Variants in DHRS3 observed in about 807,000 individuals in gnomAD.
The protein encoded by DHRS3 is dehydrogenase/reductase 3.
A neutral mutation model predicts 27.2 loss-of-function variants in DHRS3; 14 were observed. The observed-to-expected ratio is 0.52, with a 90% CI of 0.34 to 0.81. The LOEUF is 0.81. DHRS3 is among the 30% of genes least tolerant of loss of function. The probability of loss-of-function intolerance (pLI) is 0.01; values close to 1 mark genes in which losing one functional copy is unlikely to be tolerated. For synonymous variants in DHRS3, 165 were observed against 175.9 expected (o/e 0.94, Z 0.49); for missense variants, 322 against 406.2 (o/e 0.79, Z 1.78).
At chr1:12,583,350 TCCAC>T (rs1352078845) in intron 1 of DHRS3, among the ~76,000 whole-genome samples, 3 of 131,972 alleles carry the variant, frequency 2.3e-5, no homozygotes, top group South Asian at 2.7e-4. Context: ...CATCCATCCA[TCCAC>T]CCACCCATCC....
intron 1 of DHRS3, among the ~76,000 whole-genome samples, chr1:12,614,743 C>A (rs1343634054): frequency 6.7e-6 from 1 of 148,956 alleles, no homozygotes; most frequent in African/African-American, 2.5e-5. Context: ...GGTCTTCCCC[C>A]TCCCAGATCC....
chr1:12,616,876 A>C, intron 1 of DHRS3: 4 of 1,033,192 alleles, frequency 3.9e-6, no homozygotes, highest in East Asian at 3.4e-5. Context: ...GAATGTGGGA[A>C]ATGGTGGGTC....
At chr1:12,568,938 T>C (rs1217581992) in intron 5 of DHRS3, among the ~76,000 whole-genome samples, 1 of 151,318 alleles carries the variant, frequency 6.6e-6, no homozygotes, top group Non-Finnish European at 1.5e-5. Flanking sequence ...AAAATTCTTT[T>C]CAGACTGGGC....
At chr1:12,617,021 A>C in intron 1 of DHRS3, 133 bp downstream of exon 1, 2 of 1,120,544 alleles carry the variant, frequency 1.8e-6, no homozygotes, top group Non-Finnish European at 2.5e-6. Flanking sequence ...CTAGCTCAGC[A>C]CTCGTGGGTG....
intron 1 of DHRS3, among the ~76,000 whole-genome samples, chr1:12,587,036 A>G (rs555497284): frequency 1.1e-4 from 17 of 152,164 alleles, no homozygotes; most frequent in Non-Finnish European, 2.4e-4. Flanking sequence ...CCTCTTCTGC[A>G]GGCTTTAAAA....
At chr1:12,596,493 C>G (rs1019592447) in intron 1 of DHRS3, among the ~76,000 whole-genome samples, 13 of 152,098 alleles carry the variant, frequency 8.5e-5, no homozygotes, top group Non-Finnish European at 1.3e-4. Context: ...AAAAGTGTCC[C>G]GTTGGCCGCG....
At chr1:12,579,973 A>AC (rs1217675394) in intron 2 of DHRS3, 13 of 186,812 alleles carry the variant, frequency 7.0e-5, no homozygotes, top group Admixed American at 6.9e-4. Context: ...ACCAGCAGCC[A>AC]CAGGGCCTGG....
At chr1:12,610,417 T>C (rs1646901461) in intron 1 of DHRS3, among the ~76,000 whole-genome samples, 3 of 152,144 alleles carry the variant, frequency 2.0e-5, no homozygotes, top group Admixed American at 1.3e-4. Flanking sequence ...TCTGTCTCTC[T>C]TACTAAAATG....
chr1:12,585,756 C>G (rs1021134610), intron 1 of DHRS3, among the ~76,000 whole-genome samples: 1 of 152,228 alleles, frequency 6.6e-6, no homozygotes, highest in Non-Finnish European at 1.5e-5. Context: ...GTGACCTGCA[C>G]AGCTGACAGG....
Position 12,586,112 on chromosome 1 carries a change from C to T in DHRS3, c.196-5446G>A, listed in dbSNP as rs367685005. Among the ~76,000 whole-genome samples the T allele has an allele frequency of 4.6e-5, 7 of 152,176 alleles. No individual in the cohort carries two copies. Among genetic ancestry groups the T allele is most frequent in the East Asian group, 1.9e-4 (1 of 5,186 alleles). ...GAAGGGGAGAAAGACCTCTGGTCTC[C>T]GGGGCCCCGGGCTGTCCTGCCCTTG... On this transcript the variant is annotated intron_variant, in intron 1 of 5. Transcript: ENST00000616661. The surrounding 1 kb of genome is among the most constrained non-coding windows in gnomAD (Gnocchi z 5.0).
intron 1 of DHRS3, chr1:12,616,493 G>A (rs1646945161): frequency 2.2e-6 from 2 of 912,632 alleles, no homozygotes; most frequent in African/African-American, 1.8e-5. Flanking sequence ...ATCCCTGGGG[G>A]GTGTACTGGG....
intron 1 of DHRS3, among the ~76,000 whole-genome samples, chr1:12,602,186 G>A (rs577590073): frequency 6.6e-6 from 1 of 152,322 alleles, no homozygotes; most frequent in East Asian, 1.9e-4. Flanking sequence ...CTAATGCCTT[G>A]TGCAGGGGAA....
intron 1 of DHRS3, among the ~76,000 whole-genome samples, chr1:12,613,747 G>A (rs184557772): frequency 2.5e-4 from 38 of 152,152 alleles, no homozygotes; most frequent in African/African-American, 8.7e-4. Flanking sequence ...ACTACCTCTC[G>A]GAAGTGGGAA....
intron 1 of DHRS3, among the ~76,000 whole-genome samples, chr1:12,603,675 C>T (rs189727095): frequency 6.8e-4 from 103 of 152,232 alleles, no homozygotes; most frequent in African/African-American, 2.4e-3. Flanking sequence ...GACCGTGTTC[C>T]CTAGGAGGCT....
At chr1:12,573,309 G>T (rs549495527) in intron 4 of DHRS3, among the ~76,000 whole-genome samples, 19 of 152,234 alleles carry the variant, frequency 1.2e-4, no homozygotes, top group Admixed American at 1.0e-3. Flanking sequence ...TCCTCCTTTG[G>T]GAGACATTTC....
In DHRS3 at chr1:12,618,094, A is replaced by G. The variant is rs1557537567; in HGVS notation, c.-746T>C. Among the ~76,000 whole-genome samples the G allele has an allele frequency of 6.6e-6, 1 of 151,988 alleles. No homozygotes were observed. The highest frequency in any genetic ancestry group is 2.4e-5 in the African/African-American group (1 of 41,386). ...TCCCTCCCTCCCTCTCTGTTCCAGC[A>G]GAGGCTGGGAGTTGCCGCTCGATCC... On this transcript the variant is annotated 5_prime_UTR_variant, in exon 1 of 6. Coordinates refer to ENST00000616661, the MANE Select transcript of DHRS3 (RefSeq NM_004753.7). This position sits in a 1 kb window ranked among gnomAD's most constrained non-coding sequence, Gnocchi z 4.2.
intron 5 of DHRS3, among the ~76,000 whole-genome samples, chr1:12,569,261 A>T (rs1382952837): frequency 1.4e-5 from 2 of 142,500 alleles, no homozygotes; most frequent in Non-Finnish European, 3.1e-5. Flanking sequence ...ACACACACAC[A>T]CTCTTTTTAA....
intron 1 of DHRS3, among the ~76,000 whole-genome samples, chr1:12,603,095 C>T (rs1420461682): frequency 6.6e-6 from 1 of 152,216 alleles, no homozygotes; most frequent in African/African-American, 2.4e-5. Flanking sequence ...GAGCTTCTAG[C>T]TTGTGGGCAC....
At chr1:12,600,786 G>A (rs577999125) in intron 1 of DHRS3, among the ~76,000 whole-genome samples, 14 of 152,216 alleles carry the variant, frequency 9.2e-5, no homozygotes, top group Middle Eastern at 3.4e-3. Flanking sequence ...CCTAGCAAAG[G>A]GCTTCCTTTC....
Sources: gnomAD v4.1 joint callset for allele counts (sites outside exome capture counted in the v4.1 genomes callset) on GRCh38, gnomAD v4.1.1 for gene constraint, Gnocchi (gnomAD v3.1) non-coding constraint, MANE v1.5 for transcripts, NCBI Gene and HGNC (gene_info 2026-07-23, HGNC 2026-07-21) for gene names.